ABL1: variants seen among roughly 807,000 people sequenced by gnomAD.
ABL1 encodes the protein tyrosine-protein kinase ABL1.
ABL1 carries 11 observed loss-of-function variants against 94.7 expected under a neutral mutation model. The ratio of observed to expected loss-of-function variants is 0.12; its 90% CI spans 0.07 to 0.19. The LOEUF is 0.19. ABL1 is among the 10% of genes least tolerant of loss of function. The pLI, the probability that ABL1 is intolerant of heterozygous loss-of-function variation, is 1.00. For synonymous variants in ABL1, 656 were observed against 622.4 expected (o/e 1.05, Z -0.80); for missense variants, 1,082 against 1,489.4 (o/e 0.73, Z 4.50).
intron 7 of ABL1, among the ~76,000 whole-genome samples, chr9:130,876,514 T>C (rs1166632617): frequency 1.3e-5 from 2 of 151,060 alleles, no homozygotes; most frequent in East Asian, 3.9e-4. Context: ...GCCTACCAGA[T>C]TCAAGCAATT....
rs35922505 is a variant in ABL1, at chr9:130,822,439, CTTTTTTTTT to C, written c.137-31609_137-31601del. ...GTCTGCCTACCTATCCCCGCCCCTG[CTTTTTTTTT>C]TTTTTTTTTTTTTTTAAGAGACAGG... On this transcript the variant is annotated intron_variant, in intron 1 of 10. Coordinates refer to the ABL1 transcript ENST00000372348. Among the ~76,000 whole-genome samples the C allele has an allele frequency of 3.8e-5, 4 of 104,408 alleles. No homozygotes were observed. The East Asian group carries it at 1.1e-3, about 27-fold the overall frequency. The allele number at this position is 104,408 out of a possible 152,430, so 68.5% of individuals were successfully genotyped here. A position where few individuals can be genotyped will look rare whatever the true frequency, so the allele number is the denominator to read the frequency against.
rs11437882 is a variant in ABL1, at chr9:130,782,068, C to CTT, written c.136+67622_136+67623dup. On this transcript the variant is annotated intron_variant, in intron 1 of 10. Transcript: ENST00000372348. ...TGAGTGATATTTTCTTTTTCTTTTT[C>CTT]TTTTTTTTTTGAGACAGTCTTACTC... Among the ~76,000 whole-genome samples the CTT allele has an allele frequency of 7.2e-3, 1,075 of 149,108 alleles. 4 individuals are homozygous for CTT. Among genetic ancestry groups the CTT allele is most frequent in the Middle Eastern group, 0.014 (4 of 288 alleles).
chr9:130,774,052 C>T lies in ABL1; in HGVS notation c.136+59597C>T, dbSNP rs534354470. 1.1e-3 allele frequency among the ~76,000 whole-genome samples: 174 copies of T among 152,198 alleles called. 2 individuals are homozygous for T. The highest frequency in any genetic ancestry group is 3.5e-3 in the South Asian group (17 of 4,816). On this transcript the variant is annotated intron_variant, in intron 1 of 10. Transcript: ENST00000372348. ...AAAATACAGTCATATACTATGTACT[C>T]TTCTTTGCCTGACATAATTATCTTG...
chr9:130,848,767 T>C (rs892453478), intron 1 of ABL1, among the ~76,000 whole-genome samples: 3 of 151,490 alleles, frequency 2.0e-5, no homozygotes, highest in African/African-American at 7.3e-5. Flanking sequence ...TGAAACCCCA[T>C]CTCTACTAAA....
intron 1 of ABL1, among the ~76,000 whole-genome samples, chr9:130,728,531 G>A (rs905724077): frequency 6.6e-5 from 10 of 151,160 alleles, no homozygotes; most frequent in African/African-American, 1.7e-4. Context: ...GACTACAGGC[G>A]CCTGCCACCA....
At chr9:130,717,039 A>G (rs1037493146) in intron 1 of ABL1, among the ~76,000 whole-genome samples, 13 of 151,892 alleles carry the variant, frequency 8.6e-5, no homozygotes, top group Non-Finnish European at 1.3e-4. Flanking sequence ...GTAAATCAAT[A>G]TTTTCTTTTT....
intron 1 of ABL1, among the ~76,000 whole-genome samples, chr9:130,734,415 C>T (rs528850269): frequency 1.3e-5 from 2 of 151,186 alleles, no homozygotes; most frequent in African/African-American, 4.9e-5. Flanking sequence ...CAGGGTTTCA[C>T]CGTGTTAGCC....
chr9:130,871,474 C>T (rs997850713), intron 4 of ABL1, among the ~76,000 whole-genome samples: 1 of 152,138 alleles, frequency 6.6e-6, no homozygotes, highest in African/African-American at 2.4e-5. Flanking sequence ...TACTGATGAT[C>T]CTTATGAATT....
intron 1 of ABL1, among the ~76,000 whole-genome samples, chr9:130,750,422 TC>T: frequency 1.3e-5 from 1 of 76,908 alleles, no homozygotes; most frequent in South Asian, 4.7e-4. Context: ...CCTCCCTCCC[TC>T]CCTCCCTCCC....
intron 1 of ABL1, among the ~76,000 whole-genome samples, chr9:130,717,658 G>T (rs921148083): frequency 1.0e-4 from 15 of 146,634 alleles, no homozygotes; most frequent in South Asian, 4.3e-4. Flanking sequence ...TCTCTGGGGG[G>T]TAAAAAAAAA....
chr9:130,715,863 G>T (rs1347349087), intron 1 of ABL1, among the ~76,000 whole-genome samples: 1 of 152,102 alleles, frequency 6.6e-6, no homozygotes, highest in Non-Finnish European at 1.5e-5. Context: ...TGTTAATAGA[G>T]TACCAAGGTC....
chr9:130,858,637 G>A (rs956796144), intron 3 of ABL1, among the ~76,000 whole-genome samples: 6 of 152,198 alleles, frequency 3.9e-5, no homozygotes, highest in African/African-American at 1.2e-4. Context: ...ACAGCTATGC[G>A]TGTGACCGTG....
intron 1 of ABL1, among the ~76,000 whole-genome samples, chr9:130,728,076 G>C (rs537272037): frequency 3.3e-5 from 5 of 151,750 alleles, no homozygotes; most frequent in African/African-American, 1.2e-4. Flanking sequence ...TTGTTTGTTT[G>C]TTTTTTGGAG....
chr9:130,773,130 G>C (rs894304915), intron 1 of ABL1, among the ~76,000 whole-genome samples: 1 of 152,154 alleles, frequency 6.6e-6, no homozygotes, highest in African/African-American at 2.4e-5. Flanking sequence ...AGACCAGCCT[G>C]ACCAGCATGG....
At chr9:130,762,760 A>C (rs1564283211) in intron 1 of ABL1, among the ~76,000 whole-genome samples, 1 of 151,820 alleles carries the variant, frequency 6.6e-6, no homozygotes, top group African/African-American at 2.4e-5. Context: ...AAATACAAAA[A>C]ATTGGCCGGG....
chr9:130,819,170 A>G, intron 1 of ABL1, among the ~76,000 whole-genome samples: 1 of 152,062 alleles, frequency 6.6e-6, no homozygotes, highest in South Asian at 2.1e-4. Context: ...TGGCCAACAT[A>G]GTGAAACCCT....
At chr9:130,866,547 C>G (rs1205909110) in intron 4 of ABL1, among the ~76,000 whole-genome samples, 1 of 152,126 alleles carries the variant, frequency 6.6e-6, no homozygotes, top group Non-Finnish European at 1.5e-5. Flanking sequence ...AGCCAGAGTC[C>G]TCTTTTGCCA....
intron 4 of ABL1, among the ~76,000 whole-genome samples, chr9:130,869,686 TTATTTTAC>T (rs1271727795): frequency 6.6e-6 from 1 of 152,248 alleles, no homozygotes; most frequent in Non-Finnish European, 1.5e-5. Flanking sequence ...TGAGTTAGCT[TTATTTTAC>T]TATATAAAGA....
intron 1 of ABL1, among the ~76,000 whole-genome samples, chr9:130,818,469 CA>C (rs1254340374): frequency 1.3e-5 from 2 of 150,160 alleles, no homozygotes; most frequent in Non-Finnish European, 3.0e-5. Flanking sequence ...AACTCCATTT[CA>C]AAAAAAAATA....
Sources: allele counts gnomAD v4.1 joint callset (sites outside exome capture counted in the v4.1 genomes callset), GRCh38; gene constraint gnomAD v4.1.1; transcripts MANE v1.5; gene names NCBI Gene and HGNC (gene_info 2026-07-23, HGNC 2026-07-21).